MGAM: variants seen among roughly 807,000 people sequenced by gnomAD.
MGAM encodes alpha-1,4-glucosidase.
A neutral mutation model predicts 358.8 loss-of-function variants in MGAM; 253 were observed. The ratio of observed to expected loss-of-function variants is 0.71; its 90% CI spans 0.64 to 0.78. MGAM has a LOEUF of 0.78. Among genes scored for constraint, MGAM ranks in the 30% least tolerant of loss-of-function variants. The pLI is 0.00. For missense variants in MGAM, 3,080 were observed against 3,432.6 expected, an observed-to-expected ratio of 0.90 and a Z score of 2.57; for synonymous variants, 1,105 against 1,227.1, an observed-to-expected ratio of 0.90 and a Z score of 2.08.
At chr7:142,045,827 T>A (rs201574890) in intron 21 of MGAM, among the ~76,000 whole-genome samples, 410 of 40,262 alleles carry the variant, frequency 0.01, 31 homozygotes, top group South Asian at 0.017. Flanking sequence ...ATATGATATA[T>A]ATTATATATA....
intron 21 of MGAM, among the ~76,000 whole-genome samples, chr7:142,047,492 T>G (rs1369578838): frequency 1.3e-5 from 2 of 152,200 alleles, no homozygotes; most frequent in East Asian, 3.9e-4. Context: ...CTCTGTATTC[T>G]AAGTAGTAGT....
chr7:142,095,636 C>T lies in MGAM; in HGVS notation c.7530C>T (p.Thr2510=). The T allele has an allele frequency of 6.2e-7, 1 of 1,613,862 alleles. No individual in the cohort carries two copies. Among genetic ancestry groups the T allele is most frequent in the South Asian group, 1.1e-5 (1 of 91,070 alleles). Residue 2510 remains threonine (T), a synonymous_variant, in exon 64 of 71, where the codon ACC becomes ACT. Coordinates refer to ENST00000475668, the MANE Select transcript of MGAM (RefSeq NM_001365693.1). ...GAACTGTCCTGCAGACCAGATACAC[C>T]CTGTTGCCATATCTGTATACCTTGA... ...ISRTVLQTRY[T]LLPYLYTLMH...
intron 21 of MGAM, among the ~76,000 whole-genome samples, chr7:142,045,317 A>G (rs1468471474): frequency 1.9e-5 from 2 of 107,904 alleles, no homozygotes; most frequent in Admixed American, 1.2e-4. Flanking sequence ...TGTACCTATA[A>G]TATATGATAT....
At chr7:142,041,921 A>AC (rs1161778959) in intron 21 of MGAM, among the ~76,000 whole-genome samples, 2 of 19,186 alleles carry the variant, frequency 1.0e-4, no homozygotes, top group Non-Finnish European at 1.7e-4. Context: ...ATATACGTAT[A>AC]ATATATAATA....
rs761450218 is a variant in MGAM, at chr7:142,078,478, T to C, written c.5646+8T>C. On this transcript the variant is annotated splice_region_variant and intron_variant, in intron 48 of 70. Transcript: ENST00000475668. The stretch of plus-strand genomic sequence containing the variant: ...CGTGGCTGTATCTGGGAGGTAACCA[T>C]GCTGATGGGGTTCATGTGCATGAAA... The C allele has an allele frequency of 2.4e-5, 37 of 1,538,976 alleles. 6 individuals carry two copies. Among genetic ancestry groups the C allele is most frequent in the Admixed American group, 3.5e-5 (2 of 56,580 alleles).
intron 18 of MGAM, among the ~76,000 whole-genome samples, chr7:142,037,795 A>C (rs1055608567): frequency 6.6e-6 from 1 of 152,150 alleles, no homozygotes; most frequent in Non-Finnish European, 1.5e-5. Flanking sequence ...GCATATATTT[A>C]TGGGGTATAT....
chr7:142,058,268 C>G lies in MGAM; in HGVS notation c.3759C>G (p.Tyr1253Ter). ...SLGFQLCRYG[Y>*]QNDSEIASLY... ...GGTTCCAGCTGTGTCGCTATGGCTA[C>G]CAGAATGACTCTGAGATCGCCAGCT... Residue 1253 changes from tyrosine (Y) to a stop codon, truncating the protein, a stop_gained, in exon 31 of 71, where the codon TAC (tyrosine) becomes TAG (stop). Coordinates refer to ENST00000475668, the MANE Select transcript of MGAM (RefSeq NM_001365693.1). LOFTEE classifies it high-confidence loss of function. 6 of 1,613,880 alleles carry G rather than the reference C, an allele frequency of 3.7e-6. No homozygotes were observed. The highest frequency in any genetic ancestry group is 5.1e-6 in the Non-Finnish European group (6 of 1,179,846).
At chr7:142,041,971 T>A (rs866645598) in intron 21 of MGAM, among the ~76,000 whole-genome samples, 1,430 of 16,932 alleles carry the variant, frequency 0.084, 202 homozygotes, top group African/African-American at 0.22. Flanking sequence ...ATATATATAT[T>A]ATATATATAT....
intron 57 of MGAM, among the ~76,000 whole-genome samples, chr7:142,090,238 G>A (rs1393133374): frequency 2.7e-5 from 4 of 145,790 alleles, no homozygotes; most frequent in Admixed American, 6.9e-5. Flanking sequence ...GGGGTCATCC[G>A]AGCAGTACTT....
rs1209707336 is a variant in MGAM, at chr7:142,088,735, GTCTGTCTGTCTGTCTATCTATCTA to G, written c.6810+2022_6810+2045del. Among the ~76,000 whole-genome samples, 88 of 97,282 alleles carry G rather than the reference GTCTGTCTGTCTGTCTATCTATCTA, an allele frequency of 9.0e-4. 1 individual carries two copies. The highest frequency in any genetic ancestry group is 3.4e-3 in the African/African-American group (81 of 24,116). 63.8% of individuals were successfully genotyped at this position (97,282 alleles called of 152,430 possible). A position where few individuals can be genotyped will look rare whatever the true frequency, so the allele number is the denominator to read the frequency against. On this transcript the variant is annotated intron_variant, in intron 57 of 70. Transcript: ENST00000475668. ...CCTATTCATTTATGTCTGTCTGTCT[GTCTGTCTGTCTGTCTATCTATCTA>G]TCTATCTATCTATCTATCTATCTAT...
rs557912405 is a variant in MGAM, at chr7:142,056,202, T to A, written c.3580+106T>A. On this transcript the variant is annotated intron_variant, in intron 29 of 70. Coordinates refer to ENST00000475668, the MANE Select transcript of MGAM (RefSeq NM_001365693.1). ...TTCCTTGAAGGCAAAATCTTCATTTTACGGGCACTGCTGTTTATTTTTTCT... is the reference window on the plus strand; with the variant it reads ...TTCCTTGAAGGCAAAATCTTCATTTAACGGGCACTGCTGTTTATTTTTTCT... 19 of 990,836 alleles carry A rather than the reference T, an allele frequency of 1.9e-5. No homozygotes were observed. The Middle Eastern group carries it at 6.3e-4, about 33-fold the overall frequency. The allele number at this position is 990,836 out of a possible 1,614,324, so 61.4% of individuals were successfully genotyped here.
chr7:142,099,522 C>A (rs1816257662), intron 66 of MGAM, 91 bp from the exon 67 acceptor site: 1 of 1,593,568 alleles, frequency 6.3e-7, no homozygotes, highest in Non-Finnish European at 8.6e-7. Flanking sequence ...GGCATAAGTT[C>A]AGAAGGGAGG....
intron 5 of MGAM, among the ~76,000 whole-genome samples, 180 bp from the exon 6 acceptor site, chr7:142,021,406 A>G (rs1554458757): frequency 6.6e-6 from 1 of 152,220 alleles, no homozygotes; most frequent in East Asian, 1.9e-4. Flanking sequence ...GTATGTCTCT[A>G]CCTAAAGACT....
In MGAM at chr7:142,054,850, C is replaced by T. The variant is rs1811340102; in HGVS notation, c.3256C>T (p.Leu1086Phe). ...STPEGQLYDV[L>F]IKKNPFGIEI... Reference sequence around the variant, plus strand: ...CCCTGAGGGTCAACTCTATGATGTGCTCATTAAGAAGAATCCATTTGGGAT... The same window carrying T: ...CCCTGAGGGTCAACTCTATGATGTGTTCATTAAGAAGAATCCATTTGGGAT... Residue 1086 changes from leucine (L) to phenylalanine (F), a missense_variant, in exon 27 of 71, where the codon CTC becomes TTC. Leu to Phe is a conservative substitution (Grantham distance 22, BLOSUM62 0). Coordinates refer to ENST00000475668, the MANE Select transcript of MGAM (RefSeq NM_001365693.1). 3.1e-6 allele frequency: 5 copies of T among 1,613,892 alleles called. No homozygotes were observed. In the East Asian group the frequency reaches 6.7e-5, roughly 22 times the overall value.
At position 142,087,688 on chromosome 7, in the gene MGAM, T is replaced by A. The variant is rs1193750925; in HGVS notation, c.6810+971T>A. Among the ~76,000 whole-genome samples, 3 of 146,546 alleles carry A rather than the reference T, an allele frequency of 2.0e-5. 1 individual carries two copies. Among genetic ancestry groups the A allele is most frequent in the Non-Finnish European group, 4.6e-5 (3 of 64,754 alleles). On this transcript the variant is annotated intron_variant, in intron 57 of 70. Coordinates refer to ENST00000475668, the MANE Select transcript of MGAM (RefSeq NM_001365693.1). The stretch of plus-strand genomic sequence containing the variant: ...AGGAAAAGGCCTCTTTTCTAGAACA[T>A]CTGCCAGGAATTGAAGGGACAAAGA...
intron 27 of MGAM, 139 bp downstream of exon 27, chr7:142,055,047 C>T (rs987070266): frequency 1.9e-6 from 2 of 1,044,638 alleles, no homozygotes; most frequent in African/African-American, 3.2e-5. Context: ...TCCTTCAGAC[C>T]TATTCTTACA....
chr7:142,058,477 T>C (rs1182684109), intron 31 of MGAM, 149 bp downstream of exon 31: 3 of 1,392,238 alleles, frequency 2.2e-6, no homozygotes, highest in Admixed American at 4.6e-5. Context: ...AGCACAGTAA[T>C]ATAGGTAAGG....
At chr7:142,049,600 G>A (rs763088322) in intron 22 of MGAM, among the ~76,000 whole-genome samples, 4 of 152,134 alleles carry the variant, frequency 2.6e-5, no homozygotes, top group African/African-American at 9.7e-5. Flanking sequence ...CAACTCAGTA[G>A]CAAAAGATCA....
chr7:142,043,930 TATACAC>T, intron 21 of MGAM, among the ~76,000 whole-genome samples: 1 of 119,782 alleles, frequency 8.3e-6, no homozygotes, highest in African/African-American at 3.7e-5. Flanking sequence ...ATATACATTA[TATACAC>T]ATACGACGTT....
Sources: gnomAD v4.1 joint callset for allele counts (sites outside exome capture counted in the v4.1 genomes callset) on GRCh38, gnomAD v4.1.1 for gene constraint, MANE v1.5 for transcripts, NCBI Gene and HGNC (gene_info 2026-07-23, HGNC 2026-07-21) for gene names.